Variants in ARHGAP20 observed in about 807,000 individuals in gnomAD.
ARHGAP20 encodes rho GTPase-activating protein 20.
In ARHGAP20, 34 loss-of-function variants were observed where a neutral mutation model predicts 73.7. The observed-to-expected ratio is 0.46, with a 90% CI of 0.35 to 0.61. The LOEUF (loss-of-function observed/expected upper bound fraction) is 0.61. ARHGAP20 is among the 20% of genes least tolerant of loss of function. ARHGAP20 has a pLI of 0.00. For missense variants in ARHGAP20, 1,314 were observed against 1,420.9 expected (o/e 0.92, Z 1.21); for synonymous variants, 523 against 518.2 (o/e 1.01, Z -0.13).
intron 2 of ARHGAP20, among the ~76,000 whole-genome samples, chr11:110,671,622 G>T (rs1042647959): frequency 6.6e-6 from 1 of 151,888 alleles, no homozygotes; most frequent in African/African-American, 2.4e-5. Context: ...AAAGCTAATA[G>T]AACTTTTTTA....
At chr11:110,656,440 A>G (rs1949468193) in intron 2 of ARHGAP20, among the ~76,000 whole-genome samples, 1 of 152,144 alleles carries the variant, frequency 6.6e-6, no homozygotes. Flanking sequence ...TTGGTGCAGA[A>G]TCGAGAGACC....
At chr11:110,691,150 CT>C (rs1950234936) in intron 1 of ARHGAP20, 1 of 520,876 alleles carries the variant, frequency 1.9e-6, no homozygotes, top group Non-Finnish European at 3.2e-6. Flanking sequence ...TCCAAATAGA[CT>C]TTTTTAAAAC....
rs1009679790 is a variant in ARHGAP20 at position 110,578,755 on chromosome 11, C to T, written c.*615G>A. On this transcript the variant is annotated 3_prime_UTR_variant, in exon 15 of 15. Coordinates refer to ENST00000683387, the MANE Select transcript of ARHGAP20 (RefSeq NM_001384657.1). Reference sequence around the variant, plus strand: ...ATCATGGTACCCATGGCTTTTGAGTCACTCTGTTTTTCTCCACTCTAGCTG... The same window carrying T: ...ATCATGGTACCCATGGCTTTTGAGTTACTCTGTTTTTCTCCACTCTAGCTG... 10 of 985,324 alleles carry T rather than the reference C, an allele frequency of 1.0e-5. No homozygotes were observed. The highest frequency in any genetic ancestry group is 1.2e-5 in the Non-Finnish European group (10 of 829,938). The allele number at this position is 985,324 out of a possible 1,614,324, so 61.0% of individuals were successfully genotyped here. A position where few individuals can be genotyped will look rare whatever the true frequency, so the allele number is the denominator to read the frequency against.
At chr11:110,706,885 T>C (rs916981284) in intron 1 of ARHGAP20, among the ~76,000 whole-genome samples, 42 of 152,150 alleles carry the variant, frequency 2.8e-4, no homozygotes, top group African/African-American at 9.4e-4. Flanking sequence ...TAACACCAGA[T>C]AAGAATTGAG....
Position 110,577,976 on chromosome 11 carries a change from A to T in ARHGAP20, c.*1394T>A. ...GAGAGAAAGGTCCATCTGATGGTGA[A>T]CTAAAGAGTTTAAATAAATGGGCTC... On this transcript the variant is annotated 3_prime_UTR_variant, in exon 15 of 15. Transcript: ENST00000683387. 1 of 985,366 alleles carries T rather than the reference A, an allele frequency of 1.0e-6. No individual in the cohort carries two copies. The highest frequency in any genetic ancestry group is 1.2e-6 in the Non-Finnish European group (1 of 829,804). 61.0% of individuals were successfully genotyped at this position (985,366 alleles called of 1,614,324 possible).
intron 5 of ARHGAP20, 33 bp downstream of exon 5, chr11:110,615,520 T>A: frequency 6.3e-7 from 1 of 1,587,962 alleles, no homozygotes. Flanking sequence ...TATTAAAGGT[T>A]AAAGATTAAA....
In ARHGAP20 at chr11:110,606,634, T is replaced by G; in HGVS notation, c.891A>C (p.Glu297Asp). ...PFNLQEPFLM[E>D]QLPREMQCQF... Reference sequence around the variant, plus strand: ...GGCACTGCATCTCTCGGGGGAGCTGTTCCATAAGGAAGGGCTCCTGGAGGT... The same window carrying G: ...GGCACTGCATCTCTCGGGGGAGCTGGTCCATAAGGAAGGGCTCCTGGAGGT... Residue 297 changes from glutamate (E) to aspartate (D), a missense_variant, in exon 9 of 15, where the codon GAA becomes GAC. Glu to Asp is a conservative substitution (Grantham distance 45, BLOSUM62 2). Around this residue, in one of 3 missense-constraint regions of ARHGAP20, gnomAD observed 443 missense variants for 466.4 expected, o/e 0.95. Coordinates refer to ENST00000683387, the MANE Select transcript of ARHGAP20 (RefSeq NM_001384657.1). The G allele has an allele frequency of 6.2e-7, 1 of 1,611,920 alleles. No homozygotes were observed. The highest frequency in any genetic ancestry group is 1.1e-5 in the South Asian group (1 of 90,964).
intron 9 of ARHGAP20, among the ~76,000 whole-genome samples, chr11:110,594,826 G>C (rs1428067263): frequency 3.1e-5 from 4 of 130,312 alleles, no homozygotes; most frequent in Non-Finnish European, 6.2e-5. Flanking sequence ...GCCTGGCAGA[G>C]ACACAACAAA....
At chr11:110,687,442 C>T (rs956939991) in intron 2 of ARHGAP20, among the ~76,000 whole-genome samples, 3 of 152,052 alleles carry the variant, frequency 2.0e-5, no homozygotes, top group Non-Finnish European at 4.4e-5. Flanking sequence ...ATGTAAGCAC[C>T]AATTCTTGAA....
chr11:110,687,232 G>A (rs144665487), intron 2 of ARHGAP20, among the ~76,000 whole-genome samples: 8 of 151,168 alleles, frequency 5.3e-5, no homozygotes, highest in African/African-American at 1.5e-4. Flanking sequence ...CATCATGCCC[G>A]GCTAATTTTT....
chr11:110,634,196 A>G (rs1326399144), intron 2 of ARHGAP20, among the ~76,000 whole-genome samples: 4 of 152,132 alleles, frequency 2.6e-5, no homozygotes, highest in Admixed American at 2.0e-4. Flanking sequence ...CAGTTCCAGG[A>G]GAATGGCGTA....
intron 2 of ARHGAP20, among the ~76,000 whole-genome samples, chr11:110,685,303 C>T (rs138428875): frequency 1.3e-5 from 2 of 152,212 alleles, no homozygotes; most frequent in African/African-American, 4.8e-5. Context: ...GATTACCACA[C>T]AATGTTAGAT....
chr11:110,601,504 T>G (rs187411616), intron 9 of ARHGAP20, among the ~76,000 whole-genome samples: 1 of 152,348 alleles, frequency 6.6e-6, no homozygotes, highest in Admixed American at 6.5e-5. Flanking sequence ...AGTCTTTAGC[T>G]GGCATGTTTT....
chr11:110,677,046 A>G (rs1391037380), intron 2 of ARHGAP20, among the ~76,000 whole-genome samples: 1 of 152,212 alleles, frequency 6.6e-6, no homozygotes, highest in Non-Finnish European at 1.5e-5. Context: ...CCAAAGGCAT[A>G]TAAATACAAA....
chr11:110,585,005 A>G (rs1034929745), intron 12 of ARHGAP20, among the ~76,000 whole-genome samples: 1 of 142,240 alleles, frequency 7.0e-6, no homozygotes, highest in Non-Finnish European at 1.5e-5. Flanking sequence ...GAATATATGA[A>G]TATGTATGTG....
chr11:110,686,103 A>G (rs1165013525), intron 2 of ARHGAP20, among the ~76,000 whole-genome samples: 2 of 152,160 alleles, frequency 1.3e-5, no homozygotes, highest in African/African-American at 4.8e-5. Flanking sequence ...ACATCACTGA[A>G]TATTACTATT....
At chr11:110,660,546 G>C (rs974592514) in intron 2 of ARHGAP20, among the ~76,000 whole-genome samples, 1 of 152,116 alleles carries the variant, frequency 6.6e-6, no homozygotes, top group Non-Finnish European at 1.5e-5. Flanking sequence ...TCTAGATCCT[G>C]GGAGCACAGA....
chr11:110,643,549 G>C (rs1949120418), intron 2 of ARHGAP20, among the ~76,000 whole-genome samples: 3 of 152,002 alleles, frequency 2.0e-5, no homozygotes, highest in African/African-American at 7.2e-5. Context: ...GGAGCAACTT[G>C]TTTAATTTCA....
At position 110,579,232 on chromosome 11, in the gene ARHGAP20, T is replaced by C. The variant is rs1485890596; in HGVS notation, c.*138A>G. ...CAAGTAGTCTCAATAAAGAGAATTA[T>C]TTCGTTGTCCTAAGTATTAGCAATG... On this transcript the variant is annotated 3_prime_UTR_variant, in exon 15 of 15. Transcript: ENST00000683387. 1 of 1,369,110 alleles carries C rather than the reference T, an allele frequency of 7.3e-7. No homozygotes were observed. The highest frequency in any genetic ancestry group is 1.4e-5 in the African/African-American group (1 of 69,760). The allele number at this position is 1,369,110 out of a possible 1,614,324, so 84.8% of individuals were successfully genotyped here. A position where few individuals can be genotyped will look rare whatever the true frequency, so the allele number is the denominator to read the frequency against.
Sources: allele counts gnomAD v4.1 joint callset (sites outside exome capture counted in the v4.1 genomes callset), GRCh38; gene constraint gnomAD v4.1.1; regional missense constraint gnomAD v4.1.1; transcripts MANE v1.5; gene names NCBI Gene and HGNC (gene_info 2026-07-23, HGNC 2026-07-21).